ROBO1: variants seen among roughly 807,000 people sequenced by gnomAD.
ROBO1 encodes the protein roundabout homolog 1.
ROBO1 carries 149 observed loss-of-function variants against 195.9 expected under a neutral mutation model. That is an observed-to-expected ratio of 0.76 (90% CI 0.67 to 0.87). ROBO1 has a LOEUF of 0.87. Ranked by LOEUF, ROBO1 falls within the 40% of genes least tolerant of loss-of-function variation. ROBO1 has a pLI of 0.00. For synonymous variants in ROBO1, 816 were observed against 733.2 expected (o/e 1.11, Z -1.82); for missense variants, 1,933 against 2,068.3 (o/e 0.93, Z 1.27).
intron 3 of ROBO1, among the ~76,000 whole-genome samples, chr3:78,999,611 T>A (rs1326718491): frequency 6.6e-6 from 1 of 152,124 alleles, no homozygotes; most frequent in Non-Finnish European, 1.5e-5. Flanking sequence ...AGTACCTGGC[T>A]GACTAGATCA....
intron 2 of ROBO1, among the ~76,000 whole-genome samples, chr3:79,321,839 T>C (rs1304543054): frequency 2.0e-5 from 3 of 152,138 alleles, no homozygotes; most frequent in Admixed American, 6.6e-5. Flanking sequence ...ACCAAGCACA[T>C]AACTTGGGTA....
At chr3:79,264,969 G>T (rs2083009968) in intron 2 of ROBO1, among the ~76,000 whole-genome samples, 6 of 152,000 alleles carry the variant, frequency 3.9e-5, no homozygotes, top group Admixed American at 2.6e-4. Flanking sequence ...CCGGATTCTA[G>T]GTTATAATGT....
intron 2 of ROBO1, among the ~76,000 whole-genome samples, chr3:79,252,187 A>G (rs2082742860): frequency 6.6e-6 from 1 of 152,168 alleles, no homozygotes; most frequent in Non-Finnish European, 1.5e-5. Flanking sequence ...AATATTAAAT[A>G]TACAACTTAT....
intron 4 of ROBO1, among the ~76,000 whole-genome samples, chr3:78,806,921 C>T (rs575789065): frequency 1.4e-4 from 22 of 152,118 alleles, no homozygotes; most frequent in Non-Finnish European, 2.9e-4. Flanking sequence ...AATTCTCATG[C>T]CTCAGCCTCC....
intron 3 of ROBO1, among the ~76,000 whole-genome samples, chr3:78,964,251 A>G (rs1420428629): frequency 6.6e-6 from 1 of 152,120 alleles, no homozygotes; most frequent in African/African-American, 2.4e-5. Flanking sequence ...ATTTGCAAAG[A>G]CCTTATCTTC....
chr3:78,614,920 A>G, intron 27 of ROBO1, 120 bp from the exon 28 acceptor site: 1 of 1,041,898 alleles, frequency 9.6e-7, no homozygotes, highest in East Asian at 2.6e-5. Flanking sequence ...AAAAGCAACA[A>G]AAAAAGCTTA....
chr3:78,971,350 C>T (rs891560912), intron 3 of ROBO1, among the ~76,000 whole-genome samples: 1 of 152,176 alleles, frequency 6.6e-6, no homozygotes, highest in African/African-American at 2.4e-5. Context: ...GACTGTGCCA[C>T]TGCACTGCAC....
At chr3:78,882,941 T>C (rs1217324721) in intron 4 of ROBO1, among the ~76,000 whole-genome samples, 6 of 151,808 alleles carry the variant, frequency 4.0e-5, no homozygotes. Flanking sequence ...GCCTCCCAAG[T>C]AGCTGGGATT....
At chr3:79,321,334 A>AC (rs1559816079) in intron 2 of ROBO1, among the ~76,000 whole-genome samples, 2 of 152,202 alleles carry the variant, frequency 1.3e-5, no homozygotes, top group African/African-American at 4.8e-5. Flanking sequence ...ATTAGTAACA[A>AC]TAATAGTTAA....
In ROBO1 at chr3:79,079,621, T is replaced by C. The variant is rs144410837; in HGVS notation, c.172+45835A>G. ...TTGATAAAATGTGTTCAATATCCACTTCATTATTTTCTGATCTGGTATAAA... is the reference window on the plus strand; with the variant it reads ...TTGATAAAATGTGTTCAATATCCACCTCATTATTTTCTGATCTGGTATAAA... On this transcript the variant is annotated intron_variant, in intron 3 of 30. Coordinates refer to ENST00000464233, the MANE Select transcript of ROBO1 (RefSeq NM_002941.4). Among the ~76,000 whole-genome samples the C allele has an allele frequency of 2.3e-3, 343 of 151,896 alleles. 2 individuals are homozygous for C. The highest frequency in any genetic ancestry group is 7.4e-3 in the African/African-American group (309 of 41,534).
intron 3 of ROBO1, among the ~76,000 whole-genome samples, chr3:78,953,101 C>T (rs188523095): frequency 6.6e-6 from 1 of 152,016 alleles, no homozygotes; most frequent in East Asian, 1.9e-4. Flanking sequence ...AATTTTGCCT[C>T]CCCTCTCCCA....
At chr3:79,668,365 G>C (rs1320588373) in intron 1 of ROBO1, among the ~76,000 whole-genome samples, 3 of 148,862 alleles carry the variant, frequency 2.0e-5, no homozygotes, top group African/African-American at 7.4e-5. Flanking sequence ...TTTTAACTCA[G>C]TATTTTTATA....
In ROBO1 at chr3:78,598,757, A is replaced by AAAG. The variant is rs1702987593; in HGVS notation, c.*153_*155dup. The AAAG allele has an allele frequency of 4.1e-6, 2 of 486,226 alleles. No homozygotes were observed. Among genetic ancestry groups the AAAG allele is most frequent in the Middle Eastern group, 5.7e-4 (1 of 1,762 alleles). The allele number at this position is 486,226 out of a possible 1,614,324, so 30.1% of individuals were successfully genotyped here. A position where few individuals can be genotyped will look rare whatever the true frequency, so the allele number is the denominator to read the frequency against. Reference sequence around the variant, plus strand: ...CAAACAACAACAATAAAAACCCAATAAAGTTTTTAAAATGATATCCCAATA... The same window carrying AAAG: ...CAAACAACAACAATAAAAACCCAATAAAGAAGTTTTTAAAATGATATCCCAATA... On this transcript the variant is annotated 3_prime_UTR_variant, in exon 31 of 31. Transcript: ENST00000464233.
intron 1 of ROBO1, among the ~76,000 whole-genome samples, chr3:79,597,408 TATA>T (rs2107848561): frequency 6.6e-6 from 1 of 152,162 alleles, no homozygotes; most frequent in African/African-American, 2.4e-5. Flanking sequence ...TCAAACCTCC[TATA>T]ATAAGTATAT....
chr3:79,403,177 C>T (rs763048688), intron 2 of ROBO1, among the ~76,000 whole-genome samples: 3 of 151,778 alleles, frequency 2.0e-5, no homozygotes, highest in Non-Finnish European at 4.4e-5. Context: ...TAACAAGGCT[C>T]GATATTTTAA....
chr3:78,823,831 C>A (rs1423649874), intron 4 of ROBO1, among the ~76,000 whole-genome samples: 2 of 151,946 alleles, frequency 1.3e-5, no homozygotes, highest in African/African-American at 4.8e-5. Flanking sequence ...CTATGAACAC[C>A]CTTTATCAGA....
chr3:79,749,567 T>C (rs1310738314), intron 1 of ROBO1, among the ~76,000 whole-genome samples: 1 of 152,138 alleles, frequency 6.6e-6, no homozygotes, highest in Non-Finnish European at 1.5e-5. Flanking sequence ...AAAGTGGTTT[T>C]GTGTTCCAGG....
intron 4 of ROBO1, among the ~76,000 whole-genome samples, chr3:78,820,877 T>A (rs1043869056): frequency 1.3e-5 from 2 of 151,966 alleles, no homozygotes; most frequent in Admixed American, 6.6e-5. Context: ...CTTTCAAGAA[T>A]GTTAAAAAAA....
chr3:79,467,317 C>G (rs1041652918), intron 2 of ROBO1, among the ~76,000 whole-genome samples: 1 of 151,900 alleles, frequency 6.6e-6, no homozygotes, highest in Non-Finnish European at 1.5e-5. Context: ...GGGCGGTTCC[C>G]TGGCAAAGGC....
Sources: gnomAD v4.1 joint callset for allele counts (sites outside exome capture counted in the v4.1 genomes callset) on GRCh38, gnomAD v4.1.1 for gene constraint, MANE v1.5 for transcripts, NCBI Gene and HGNC (gene_info 2026-07-23, HGNC 2026-07-21) for gene names.